The following TRIM27 variants were observed in gnomAD, a reference collection of about 807,000 sequenced individuals.
TRIM27 encodes the protein zinc finger protein RFP.
In TRIM27, 12 loss-of-function variants were observed where a neutral mutation model predicts 57.6. The ratio of observed to expected loss-of-function variants is 0.21; its 90% CI spans 0.13 to 0.34. The LOEUF (loss-of-function observed/expected upper bound fraction) is 0.34, where lower values mean the gene tolerates loss of function less well. TRIM27 is among the 10% of genes least tolerant of loss of function. The pLI is 1.00. For synonymous variants in TRIM27, 266 were observed against 259.0 expected (o/e 1.03, Z -0.26); for missense variants, 403 against 656.8 (o/e 0.61, Z 4.22).
intron 3 of TRIM27, chr6:28,914,946 C>T (rs1773493399): frequency 6.6e-6 from 1 of 151,834 alleles, no homozygotes; most frequent in Middle Eastern, 3.4e-3. Flanking sequence ...CTTCTAGTGG[C>T]TGCTATCTGG....
intron 2 of TRIM27, among the ~76,000 whole-genome samples, chr6:28,921,304 T>C (rs1007132602): frequency 8.6e-5 from 13 of 151,386 alleles, no homozygotes; most frequent in African/African-American, 3.2e-4. Context: ...TCGCTTGAAC[T>C]GGGAGGCAGA....
At chr6:28,907,214 G>A (rs755597750) in intron 7 of TRIM27, 22 bp downstream of exon 7, 59 of 1,604,068 alleles carry the variant, frequency 3.7e-5, no homozygotes, top group Non-Finnish European at 5.0e-5. Context: ...ACCCTAATAT[G>A]GTTTTGTCTC....
intron 3 of TRIM27, among the ~76,000 whole-genome samples, chr6:28,913,266 AAAAATAT>A (rs1773347511): frequency 7.2e-6 from 1 of 139,088 alleles, no homozygotes; most frequent in African/African-American, 3.0e-5. Flanking sequence ...AAAAAAAAAA[AAAAATAT>A]ATATATATAT....
chr6:28,911,817 C>T (rs927889673), intron 3 of TRIM27, 99 bp from the exon 4 acceptor site: 10 of 1,160,640 alleles, frequency 8.6e-6, no homozygotes, highest in African/African-American at 7.7e-5. Flanking sequence ...GACTGGCTCT[C>T]ATGGGAGAAA....
chr6:28,910,123 G>GAAAAAAAAAAAAAAAAAAAAAAACTAA (rs9278120), intron 4 of TRIM27, among the ~76,000 whole-genome samples: 1 of 97,622 alleles, frequency 1.0e-5, no homozygotes, highest in African/African-American at 3.4e-5. Flanking sequence ...AAAGAAAAAT[G>GAAAAAAAAAAAAAAAAAAAAAAACTAA]AAAAAAAAAA....
rs571571755 is a variant in TRIM27 at position 28,923,456 on chromosome 6, G to T, written c.177C>A (p.Thr59=). 1 of 1,612,192 alleles carries T rather than the reference G, an allele frequency of 6.2e-7. No homozygotes were observed. Among genetic ancestry groups the T allele is most frequent in the East Asian group, 2.2e-5 (1 of 44,850 alleles). Residue 59 remains threonine, a synonymous_variant, in exon 1 of 8, where the codon ACC becomes ACA. Transcript: ENST00000377199. ...TNVSCPQCRE[T]FPQRHMRPNR... ...TGGGCCGCATGTGCCTCTGCGGGAA[G>T]GTCTCCCGGCACTGCGGGCACGACA...
Position 28,904,352 on chromosome 6 carries a change from A to G in TRIM27, c.1260T>C (p.Leu420=). 6.2e-7 allele frequency: 1 copy of G among 1,613,064 alleles called. No individual in the cohort carries two copies. Among genetic ancestry groups the G allele is most frequent in the Non-Finnish European group, 8.5e-7 (1 of 1,180,026 alleles). The change falls in exon 8 of 8, where the codon CTT becomes CTC. Residue 420 remains leucine (L), a synonymous_variant. Coordinates refer to ENST00000377199, the MANE Select transcript of TRIM27 (RefSeq NM_006510.5). This position sits in a 1 kb window ranked among gnomAD's most constrained non-coding sequence, Gnocchi z 6.1. ...GGGGTAGGGCAGTCATTGGGGAGGT[A>G]AGAGCCCAATATTCTTTCCCATACC... ...SLWYGKEYWA[L]TSPMTALPLR...
intron 2 of TRIM27, among the ~76,000 whole-genome samples, chr6:28,921,010 T>C (rs1021304847): frequency 6.6e-6 from 1 of 152,136 alleles, no homozygotes; most frequent in Admixed American, 6.5e-5. Flanking sequence ...CGCTCATTTG[T>C]TTGCCATAAT....
intron 3 of TRIM27, among the ~76,000 whole-genome samples, chr6:28,917,226 T>TTACTCAGTGCCCACGCCAGAGCA (rs1773675825): frequency 6.6e-6 from 1 of 152,092 alleles, no homozygotes; most frequent in Non-Finnish European, 1.5e-5. Flanking sequence ...GACCATCTGC[T>TTACTCAGTGCCCACGCCAGAGCA]TACTCAGTGC....
intron 3 of TRIM27, among the ~76,000 whole-genome samples, chr6:28,917,338 G>A (rs1359120616): frequency 6.6e-6 from 1 of 152,154 alleles, no homozygotes; most frequent in Non-Finnish European, 1.5e-5. Flanking sequence ...AGCACTTTGG[G>A]AGGCCGAGGC....
At chr6:28,917,555 G>A (rs1773701105) in intron 3 of TRIM27, among the ~76,000 whole-genome samples, 1 of 150,824 alleles carries the variant, frequency 6.6e-6, no homozygotes, top group Admixed American at 6.6e-5. Flanking sequence ...TCCAGCCTGG[G>A]CAACAGAGCA....
chr6:28,904,790 A>G lies in TRIM27; in HGVS notation c.947-125T>C. 4 of 666,574 alleles carry G rather than the reference A, an allele frequency of 6.0e-6. No individual in the cohort carries two copies. In the South Asian group the frequency reaches 8.2e-5, roughly 14 times the overall value. The allele number at this position is 666,574 out of a possible 1,614,324, so 41.3% of individuals were successfully genotyped here. The stretch of plus-strand genomic sequence containing the variant: ...ACTGGAGGTTGCACGTATTTTATTT[A>G]GAATATATTCTAAACTTCACATTTC... On this transcript the variant is annotated intron_variant, in intron 7 of 7. Transcript: ENST00000377199. This position sits in a 1 kb window ranked among gnomAD's most constrained non-coding sequence, Gnocchi z 6.1.
chr6:28,907,260 A>C lies in TRIM27; in HGVS notation c.922T>G (p.Leu308Val). The change falls in exon 7 of 8, where the codon TTA (leucine) becomes GTA (valine). Residue 308 changes from leucine (L) to valine (V), a missense_variant and splice_region_variant. Physicochemically the swap from Leu to Val is conservative, Grantham distance 32. Transcript: ENST00000377199. ...CCTGAGTATAACTGAGCCTCTCTTAATTCTGAAAGAATAAAAGAGCAAAGT... is the reference window on the plus strand; with the variant it reads ...CCTGAGTATAACTGAGCCTCTCTTACTTCTGAAAGAATAAAAGAGCAAAGT... ...MQSDMEKIQE[L>V]REAQLYSVDV... The C allele has an allele frequency of 6.2e-7, 1 of 1,611,498 alleles. No homozygotes were observed. Among genetic ancestry groups the C allele is most frequent in the Non-Finnish European group, 8.5e-7 (1 of 1,179,532 alleles).
intron 3 of TRIM27, among the ~76,000 whole-genome samples, chr6:28,913,052 T>C (rs1183368644): frequency 1.3e-5 from 2 of 151,978 alleles, no homozygotes; most frequent in African/African-American, 2.4e-5. Flanking sequence ...GGTCGGGAGT[T>C]TGGGACCAGA....
rs1581523290 is a variant in TRIM27, at chr6:28,923,314, A to C, written c.319T>G (p.Cys107Gly). The C allele has an allele frequency of 6.2e-7, 1 of 1,612,452 alleles. No individual in the cohort carries two copies. Among genetic ancestry groups the C allele is most frequent in the Non-Finnish European group, 8.5e-7 (1 of 1,179,798 alleles). Residue 107 changes from cysteine to glycine, a missense_variant, in exon 1 of 8, where the codon TGC (cysteine) becomes GGC (glycine). Transcript: ENST00000377199. Reference sequence around the variant, plus strand: ...CAGATGGGCATCTGGTCCTCCTCGCAGTACAGCTTCAGGGGCTCGCGGTGC... The same window carrying C: ...CAGATGGGCATCTGGTCCTCCTCGCCGTACAGCTTCAGGGGCTCGCGGTGC... ...EKHREPLKLY[C>G]EEDQMPICVV...
chr6:28,908,233 A>C (rs755729535), intron 6 of TRIM27: 93 of 154,106 alleles, frequency 6.0e-4, no homozygotes, highest in Non-Finnish European at 9.8e-4. Flanking sequence ...ATGGTAACTA[A>C]CCTTAATTCT....
chr6:28,919,888 T>C (rs1773892998), intron 3 of TRIM27, 124 bp downstream of exon 3: 2 of 859,148 alleles, frequency 2.3e-6, no homozygotes, highest in African/African-American at 1.7e-5. Flanking sequence ...ATATAGAGTT[T>C]GGCAAGCTCT....
intron 4 of TRIM27, among the ~76,000 whole-genome samples, chr6:28,910,887 A>C (rs1773153975): frequency 6.6e-6 from 1 of 152,060 alleles, no homozygotes; most frequent in Admixed American, 6.6e-5. Flanking sequence ...TTCCATCAAC[A>C]TGATTCTATC....
chr6:28,921,020 T>C (rs1322140814), intron 2 of TRIM27, among the ~76,000 whole-genome samples: 1 of 152,162 alleles, frequency 6.6e-6, no homozygotes, highest in Non-Finnish European at 1.5e-5. Flanking sequence ...TTTGCCATAA[T>C]TTACTGTCCT....
Sources: gnomAD v4.1 joint callset for allele counts (sites outside exome capture counted in the v4.1 genomes callset) on GRCh38, gnomAD v4.1.1 for gene constraint, Gnocchi (gnomAD v3.1) non-coding constraint, MANE v1.5 for transcripts, NCBI Gene and HGNC (gene_info 2026-07-23, HGNC 2026-07-21) for gene names.